Variants in HOOK3 observed in about 807,000 individuals in gnomAD.
HOOK3 encodes protein Hook homolog 3.
In HOOK3, 24 loss-of-function variants were observed where a neutral mutation model predicts 116.3. That is an observed-to-expected ratio of 0.21 (90% CI 0.15 to 0.29). The LOEUF (loss-of-function observed/expected upper bound fraction) is 0.29. HOOK3 is among the 10% of genes least tolerant of loss of function. The pLI is 1.00. For missense variants in HOOK3, 632 were observed against 830.2 expected, an observed-to-expected ratio of 0.76 and a Z score of 2.93; for synonymous variants, 275 against 283.0, an observed-to-expected ratio of 0.97 and a Z score of 0.28.
intron 4 of HOOK3, among the ~76,000 whole-genome samples, chr8:42,935,832 C>T (rs1011655584): frequency 6.6e-6 from 1 of 152,156 alleles, no homozygotes; most frequent in African/African-American, 2.4e-5. Flanking sequence ...TGTGATGCCT[C>T]CAACTTTGTT....
At chr8:43,013,286 T>C in intron 20 of HOOK3, 43 bp from the exon 21 acceptor site, 1 of 1,485,214 alleles carries the variant, frequency 6.7e-7, no homozygotes, top group Non-Finnish European at 9.1e-7. Context: ...ATTGAGTTAT[T>C]TTATATCTTT....
intron 4 of HOOK3, among the ~76,000 whole-genome samples, chr8:42,931,724 A>C (rs1456321995): frequency 5.4e-5 from 8 of 149,480 alleles, no homozygotes; most frequent in Admixed American, 6.7e-5. Flanking sequence ...GAGCCACCGC[A>C]CCTTCCCTTC....
At chr8:42,980,483 T>A (rs1186711534) in intron 13 of HOOK3, among the ~76,000 whole-genome samples, 1 of 152,008 alleles carries the variant, frequency 6.6e-6, no homozygotes, top group Non-Finnish European at 1.5e-5. Flanking sequence ...GGTGAGGCCT[T>A]CAAGAGGTGA....
intron 15 of HOOK3, among the ~76,000 whole-genome samples, chr8:42,994,853 A>G (rs2130463911): frequency 6.6e-6 from 1 of 152,316 alleles, no homozygotes; most frequent in Middle Eastern, 3.4e-3. Context: ...TACATACTGG[A>G]TTGTGTTTTA....
rs1233404675 is a variant in HOOK3, at chr8:43,021,194, A to G, written c.*2696A>G. On this transcript the variant is annotated 3_prime_UTR_variant, in exon 22 of 22. Transcript: ENST00000307602. The stretch of plus-strand genomic sequence containing the variant: ...TGTGAGATGAGAGGTTTTCATTTTC[A>G]TTTTCTATTTACAGCCCCAGTCCTA... The G allele has an allele frequency of 5.4e-6, 1 of 185,122 alleles. No individual in the cohort carries two copies. The highest frequency in any genetic ancestry group is 2.5e-5 in the African/African-American group (1 of 40,502). 11.5% of individuals were successfully genotyped at this position (185,122 alleles called of 1,614,324 possible). A position where few individuals can be genotyped will look rare whatever the true frequency, so the allele number is the denominator to read the frequency against.
chr8:42,915,886 A>T (rs1426272012), intron 2 of HOOK3, among the ~76,000 whole-genome samples: 1 of 152,194 alleles, frequency 6.6e-6, no homozygotes, highest in Non-Finnish European at 1.5e-5. Flanking sequence ...TTTGCTCCTG[A>T]GAACCCTGCA....
chr8:43,014,014 C>T (rs566989762), intron 21 of HOOK3, among the ~76,000 whole-genome samples: 12 of 152,146 alleles, frequency 7.9e-5, no homozygotes, highest in African/African-American at 1.9e-4. Context: ...GTTGGCCAGG[C>T]GTGATGGCTC....
At chr8:42,977,025 TG>T (rs1161730615) in intron 13 of HOOK3, among the ~76,000 whole-genome samples, 12 of 152,126 alleles carry the variant, frequency 7.9e-5, no homozygotes, top group African/African-American at 2.7e-4. Context: ...GTGCCCCAGA[TG>T]TTTCTTGTGC....
At chr8:43,005,199 CTA>C (rs59181434) in intron 17 of HOOK3, among the ~76,000 whole-genome samples, 3,873 of 95,390 alleles carry the variant, frequency 0.041, 117 homozygotes, top group South Asian at 0.066. Flanking sequence ...CTCTCTCTCT[CTA>C]TATATATATA....
intron 1 of HOOK3, 27 bp from the exon 2 acceptor site, chr8:42,906,145 TC>T (rs80157780): frequency 0.035 from 16,465 of 470,708 alleles, 85 homozygotes; most frequent in East Asian, 0.075. Flanking sequence ...ACAGAATCTC[TC>T]CCCCCCCCCT....
intron 2 of HOOK3, among the ~76,000 whole-genome samples, chr8:42,919,226 C>T (rs545428336): frequency 2.7e-5 from 4 of 150,024 alleles, no homozygotes; most frequent in South Asian, 2.1e-4. Context: ...ACTTCACAGA[C>T]GGGGCGGCTT....
chr8:42,911,480 G>T (rs1162159823), intron 2 of HOOK3, among the ~76,000 whole-genome samples: 1 of 152,170 alleles, frequency 6.6e-6, no homozygotes, highest in South Asian at 2.1e-4. Flanking sequence ...AGGGCTATAA[G>T]AAGCAGTTGA....
intron 13 of HOOK3, among the ~76,000 whole-genome samples, chr8:42,979,006 C>A: frequency 6.6e-6 from 1 of 151,458 alleles, no homozygotes; most frequent in Non-Finnish European, 1.5e-5. Flanking sequence ...GCCTGTCATC[C>A]TAGCACTTTG....
chr8:42,946,763 CTTTTTTT>C (rs34564365), intron 5 of HOOK3, among the ~76,000 whole-genome samples: 1 of 73,956 alleles, frequency 1.4e-5, no homozygotes, highest in Non-Finnish European at 2.5e-5. Flanking sequence ...CTCTTTCTTT[CTTTTTTT>C]TTTTTTTTTT....
At chr8:42,966,349 A>G (rs1808632960) in intron 9 of HOOK3, 124 bp from the exon 10 acceptor site, 2 of 940,248 alleles carry the variant, frequency 2.1e-6, no homozygotes, top group Non-Finnish European at 3.1e-6. Flanking sequence ...GCTTGTGGCC[A>G]CTAACATGGG....
chr8:43,012,028 G>C (rs1809623814), intron 19 of HOOK3, among the ~76,000 whole-genome samples: 1 of 152,138 alleles, frequency 6.6e-6, no homozygotes, highest in African/African-American at 2.4e-5. Context: ...CACAGTGATA[G>C]GCTTACACCA....
chr8:42,998,163 A>G (rs1809315975), intron 16 of HOOK3: 1 of 156,392 alleles, frequency 6.4e-6, no homozygotes, highest in Non-Finnish European at 1.4e-5. Flanking sequence ...GCACTAGAAT[A>G]GTGTAAATGT....
intron 2 of HOOK3, among the ~76,000 whole-genome samples, chr8:42,910,911 T>G (rs1411645620): frequency 6.6e-6 from 1 of 152,232 alleles, no homozygotes; most frequent in East Asian, 1.9e-4. Context: ...AGGTATATTT[T>G]TAACTCGGTT....
At chr8:42,936,650 T>G (rs1807977082) in intron 4 of HOOK3, among the ~76,000 whole-genome samples, 1 of 152,224 alleles carries the variant, frequency 6.6e-6, no homozygotes, top group African/African-American at 2.4e-5. Flanking sequence ...GAGATAATTG[T>G]ACGGTTTTTG....
Sources: allele counts gnomAD v4.1 joint callset (sites outside exome capture counted in the v4.1 genomes callset), GRCh38; gene constraint gnomAD v4.1.1; transcripts MANE v1.5; gene names NCBI Gene and HGNC (gene_info 2026-07-23, HGNC 2026-07-21).